Variants in NEK11 observed in about 807,000 individuals in gnomAD.
The protein encoded by NEK11 is NIMA related kinase 11.
NEK11 carries 72 observed loss-of-function variants against 80.7 expected under a neutral mutation model. The observed-to-expected ratio is 0.89, with a 90% CI of 0.74 to 1.08. The LOEUF is 1.08. Among genes scored for constraint, NEK11 ranks in the 50% least tolerant of loss-of-function variants. NEK11 has a pLI of 0.00. For missense variants in NEK11, 764 were observed against 763.6 expected, an observed-to-expected ratio of 1.00 and a Z score of -0.01; for synonymous variants, 251 against 260.7, an observed-to-expected ratio of 0.96 and a Z score of 0.36.
At chr3:131,224,575 T>A (rs1483123974) in intron 14 of NEK11, among the ~76,000 whole-genome samples, 1 of 151,900 alleles carries the variant, frequency 6.6e-6, no homozygotes, top group Non-Finnish European at 1.5e-5. Context: ...TTCTACTTAT[T>A]AAAAAAAATT....
intron 14 of NEK11, among the ~76,000 whole-genome samples, chr3:131,193,630 A>G (rs2093886803): frequency 1.3e-5 from 2 of 152,160 alleles, no homozygotes; most frequent in African/African-American, 4.8e-5. Flanking sequence ...AATAAACAGA[A>G]TTAATGTTTT....
rs16836114 is a variant in NEK11 at position 131,185,552 on chromosome 3, A to G, written c.1399+14665A>G. ...TGTCCCCCACCAACTCAAATGCTCA[A>G]CTGATCCCCAATATCTTACAGTTTG... On this transcript the variant is annotated intron_variant, in intron 14 of 17. Coordinates refer to ENST00000383366, the MANE Select transcript of NEK11 (RefSeq NM_024800.5). 3.5e-3 allele frequency among the ~76,000 whole-genome samples: 535 copies of G among 152,240 alleles called. 20 individuals are homozygous for G. In the East Asian group the frequency reaches 0.085, roughly 24 times the overall value.
chr3:131,189,914 C>A (rs1390608956), intron 14 of NEK11, among the ~76,000 whole-genome samples: 1 of 152,146 alleles, frequency 6.6e-6, no homozygotes. Context: ...TACTAATTTT[C>A]ATTATTGTTA....
chr3:131,055,513 A>G (rs1457274697), intron 3 of NEK11, among the ~76,000 whole-genome samples: 2 of 152,158 alleles, frequency 1.3e-5, no homozygotes, highest in African/African-American at 4.8e-5. Context: ...ATATGGGAGG[A>G]TTGTTTGAGG....
intron 10 of NEK11, among the ~76,000 whole-genome samples, chr3:131,158,407 C>T (rs969678294): frequency 1.3e-5 from 2 of 152,126 alleles, no homozygotes; most frequent in African/African-American, 4.8e-5. Flanking sequence ...GAGTGTATCC[C>T]ACCTCACCTC....
chr3:131,067,135 T>C (rs2072185517), intron 3 of NEK11, among the ~76,000 whole-genome samples: 1 of 152,220 alleles, frequency 6.6e-6, no homozygotes, highest in African/African-American at 2.4e-5. Flanking sequence ...CTTTAGGATA[T>C]TGATTTCATC....
intron 14 of NEK11, among the ~76,000 whole-genome samples, chr3:131,193,942 GTTAC>G (rs2093901177): frequency 6.6e-6 from 1 of 152,124 alleles, no homozygotes; most frequent in Non-Finnish European, 1.5e-5. Flanking sequence ...ATAATTTTGT[GTTAC>G]TTGTCAACTT....
rs541473705 is a variant in NEK11, at chr3:131,065,872, T to C, written c.171-14551T>C. Among the ~76,000 whole-genome samples the C allele has an allele frequency of 6.6e-5, 10 of 152,334 alleles. No individual in the cohort carries two copies. In the South Asian group the frequency reaches 2.1e-3, roughly 32 times the overall value. ...TACAAACTTGGTAAATGTGTCCTTT[T>C]AGATTTTCATCCAAGTCATTAATAA... On this transcript the variant is annotated intron_variant, in intron 3 of 17. Coordinates refer to ENST00000383366, the MANE Select transcript of NEK11 (RefSeq NM_024800.5).
chr3:131,104,298 G>A (rs1311649881), intron 4 of NEK11, among the ~76,000 whole-genome samples: 1 of 152,180 alleles, frequency 6.6e-6, no homozygotes, highest in Admixed American at 6.5e-5. Flanking sequence ...GATCAGGTGG[G>A]AGTGGCACAG....
chr3:131,086,630 C>G (rs760846114), intron 4 of NEK11, among the ~76,000 whole-genome samples: 9 of 152,118 alleles, frequency 5.9e-5, no homozygotes, highest in Non-Finnish European at 1.5e-5. Context: ...CTTATTAATT[C>G]CATTTTACAG....
At chr3:131,232,258 G>A (rs2095344243) in intron 15 of NEK11, among the ~76,000 whole-genome samples, 1 of 152,178 alleles carries the variant, frequency 6.6e-6, no homozygotes, top group African/African-American at 2.4e-5. Flanking sequence ...CAACACTTGT[G>A]CAACCTGTCA....
intron 4 of NEK11, among the ~76,000 whole-genome samples, chr3:131,081,134 A>G (rs1164925494): frequency 1.3e-5 from 2 of 152,122 alleles, no homozygotes; most frequent in Non-Finnish European, 2.9e-5. Context: ...AACAAAAAGG[A>G]GAAATTACTG....
At chr3:131,310,975 A>G (rs2096776464) in intron 17 of NEK11, among the ~76,000 whole-genome samples, 1 of 152,192 alleles carries the variant, frequency 6.6e-6, no homozygotes, top group Admixed American at 6.5e-5. Context: ...GGAAATATCT[A>G]TTGACCCTGA....
At chr3:131,212,383 G>GTA (rs1434367728) in intron 14 of NEK11, among the ~76,000 whole-genome samples, 11 of 152,172 alleles carry the variant, frequency 7.2e-5, no homozygotes, top group Admixed American at 5.9e-4. Flanking sequence ...GCACCCGGCT[G>GTA]TATGACGTGT....
At chr3:131,343,188 T>C (rs1466977252) in intron 17 of NEK11, among the ~76,000 whole-genome samples, 2 of 152,086 alleles carry the variant, frequency 1.3e-5, no homozygotes, top group Non-Finnish European at 2.9e-5. Flanking sequence ...GGAAAAGATA[T>C]AGCAGGTCAT....
intron 14 of NEK11, among the ~76,000 whole-genome samples, chr3:131,195,538 G>A (rs1452187530): frequency 6.6e-6 from 1 of 151,958 alleles, no homozygotes; most frequent in Non-Finnish European, 1.5e-5. Flanking sequence ...TATTTGCAGA[G>A]AATCCTTCCC....
intron 17 of NEK11, chr3:131,326,061 CATT>C (rs1326424646): frequency 6.6e-6 from 1 of 152,174 alleles, no homozygotes; most frequent in Non-Finnish European, 1.5e-5. Context: ...ACATTGCACA[CATT>C]TGTTTGTTTG....
chr3:131,254,272 A>G (rs2095763022), intron 16 of NEK11, among the ~76,000 whole-genome samples: 1 of 152,182 alleles, frequency 6.6e-6, no homozygotes. Context: ...TCAGTAACCA[A>G]AGTAAAACAG....
chr3:131,326,825 G>A (rs963050609), intron 17 of NEK11, among the ~76,000 whole-genome samples: 4 of 152,136 alleles, frequency 2.6e-5, no homozygotes, highest in African/African-American at 4.8e-5. Flanking sequence ...AAATTCATAT[G>A]GAAACTTAAT....
Sources: gnomAD v4.1 joint callset for allele counts (sites outside exome capture counted in the v4.1 genomes callset) on GRCh38, gnomAD v4.1.1 for gene constraint, MANE v1.5 for transcripts, NCBI Gene and HGNC (gene_info 2026-07-23, HGNC 2026-07-21) for gene names.